CIDEA: variants seen among roughly 807,000 people sequenced by gnomAD.
The protein encoded by CIDEA is lipid transferase CIDEA.
In CIDEA, 10 loss-of-function variants were observed where a neutral mutation model predicts 18.2. That is an observed-to-expected ratio of 0.55 (90% confidence interval 0.34 to 0.93). The LOEUF is 0.93. Among genes scored for constraint, CIDEA ranks in the 40% least tolerant of loss-of-function variants. The pLI is 0.02. For synonymous variants in CIDEA, 128 were observed against 124.8 expected, an observed-to-expected ratio of 1.03 and a Z score of -0.17; for missense variants, 309 against 293.1, an observed-to-expected ratio of 1.05 and a Z score of -0.40.
At chr18:12,275,746 A>G (rs1905308339) in intron 4 of CIDEA, among the ~76,000 whole-genome samples, 1 of 152,074 alleles carries the variant, frequency 6.6e-6, no homozygotes, top group South Asian at 2.1e-4. Context: ...CTGTGGCCTC[A>G]GTTTCCCATT....
chr18:12,260,574 A>T (rs1232593374), intron 1 of CIDEA, among the ~76,000 whole-genome samples: 1 of 152,244 alleles, frequency 6.6e-6, no homozygotes, highest in Non-Finnish European at 1.5e-5. Flanking sequence ...TAGATAATAT[A>T]CTATCTAAAA....
chr18:12,274,634 A>G (rs1405239486), intron 4 of CIDEA, among the ~76,000 whole-genome samples: 2 of 152,188 alleles, frequency 1.3e-5, no homozygotes, highest in African/African-American at 4.8e-5. Flanking sequence ...CAGAACGGTC[A>G]CCTAGACCCT....
intron 1 of CIDEA, among the ~76,000 whole-genome samples, chr18:12,259,223 A>G (rs952776936): frequency 6.6e-6 from 1 of 152,216 alleles, no homozygotes; most frequent in Non-Finnish European, 1.5e-5. Context: ...GGCTTGCCTC[A>G]TTGAAAACAA....
chr18:12,272,151 G>GGGGGGT (rs1912558160), intron 3 of CIDEA, among the ~76,000 whole-genome samples: 1 of 10,608 alleles, frequency 9.4e-5, no homozygotes, highest in African/African-American at 1.9e-4. Flanking sequence ...TGTGTGTGTG[G>GGGGGGT]GGGGGGGGGG....
intron 4 of CIDEA, among the ~76,000 whole-genome samples, chr18:12,275,533 G>A (rs1480743603): frequency 2.6e-5 from 4 of 152,174 alleles, no homozygotes; most frequent in South Asian, 2.1e-4. Flanking sequence ...TCTTCAAGTC[G>A]AAAAGTTTTG....
intron 1 of CIDEA, chr18:12,254,666 G>C: frequency 6.6e-7 from 1 of 1,525,098 alleles, no homozygotes; most frequent in African/African-American, 1.4e-5. Context: ...TTGCAGCTGG[G>C]CACAGGTACC....
Position 12,274,267 on chromosome 18 carries a change from C to T in CIDEA, c.505C>T (p.Leu169=), listed in dbSNP as rs200322058. The T allele has an allele frequency of 9.3e-6, 15 of 1,614,108 alleles. No homozygotes were observed. Among genetic ancestry groups the T allele is most frequent in the Non-Finnish European group, 1.3e-5 (15 of 1,179,994 alleles). Residue 169 remains leucine, a synonymous_variant, in exon 4 of 5, where the codon CTG becomes TTG. Transcript: ENST00000320477. ...YDIRCTGLKG[L]LRSLLRFLSY... is the part of the protein sequence containing the mutation. ...CATCCGGTGCACGGGACTCAAGGGC[C>T]TGCTGAGGTAACACACTCCAGGGGT...
chr18:12,254,733 T>G, intron 1 of CIDEA: 1 of 1,454,424 alleles, frequency 6.9e-7, no homozygotes, highest in Non-Finnish European at 9.2e-7. Flanking sequence ...AGCTGGCGAG[T>G]GGCTGCATGC....
chr18:12,261,680 C>A (rs1912196071), intron 1 of CIDEA, among the ~76,000 whole-genome samples: 1 of 152,064 alleles, frequency 6.6e-6, no homozygotes, highest in African/African-American at 2.4e-5. Context: ...CTCAAGCAAT[C>A]CTCTCATCTC....
intron 1 of CIDEA, 63 bp downstream of exon 1, chr18:12,254,484 A>C (rs144729600): frequency 1.1e-5 from 18 of 1,570,526 alleles, no homozygotes; most frequent in Non-Finnish European, 1.5e-5. Context: ...CGGTGGCCTC[A>C]TATTCCCCTG....
chr18:12,274,379 C>A, intron 4 of CIDEA, 105 bp downstream of exon 4: 1 of 994,912 alleles, frequency 1.0e-6, no homozygotes, highest in Non-Finnish European at 1.5e-6. Flanking sequence ...CCGGCTAGCA[C>A]TGTTAGGGGC....
chr18:12,262,909 C>A lies in CIDEA; in HGVS notation c.123C>A (p.Asn41Lys), dbSNP rs539599365. 5.6e-6 allele frequency: 9 copies of A among 1,614,194 alleles called. No individual in the cohort carries two copies. Among genetic ancestry groups the A allele is most frequent in the African/African-American group, 1.3e-5 (1 of 75,060 alleles). Residue 41 changes from asparagine to lysine, a missense_variant, in exon 2 of 5, where the codon AAC (asparagine) becomes AAA (lysine). Physicochemically the swap from Asn to Lys is moderately conservative, Grantham distance 94 (BLOSUM62 0). Transcript: ENST00000320477. ...MHPARPFRVS[N>K]HDRSSRRGVM... ...CAGCTCGCCCTTTCCGGGTCTCCAA[C>A]CATGACAGGAGCAGCCGGCGTGGGG...
At chr18:12,272,561 T>TA (rs1230113079) in intron 3 of CIDEA, among the ~76,000 whole-genome samples, 1 of 152,102 alleles carries the variant, frequency 6.6e-6, no homozygotes. Context: ...TTGACCAGGC[T>TA]AGTCTCAAAC....
intron 3 of CIDEA, among the ~76,000 whole-genome samples, chr18:12,266,316 G>A (rs1013423888): frequency 3.9e-5 from 6 of 152,050 alleles, no homozygotes; most frequent in African/African-American, 1.4e-4. Context: ...TTAGCCTGGC[G>A]TAGTGGTGCA....
At chr18:12,274,463 A>G (rs1489716958) in intron 4 of CIDEA, among the ~76,000 whole-genome samples, 189 bp downstream of exon 4, 1 of 152,254 alleles carries the variant, frequency 6.6e-6, no homozygotes, top group East Asian at 1.9e-4. Flanking sequence ...ATCTCAAGCC[A>G]AAACAGATTT....
rs955042502 is a variant in CIDEA, at chr18:12,274,167, G to A, written c.405G>A (p.Arg135=). The A allele has an allele frequency of 3.7e-6, 6 of 1,614,102 alleles. No individual in the cohort carries two copies. The African/African-American group carries it at 4.0e-5, about 11-fold the overall frequency. The change falls in exon 4 of 5, where the codon AGG becomes AGA. Residue 135 remains arginine (R), a synonymous_variant. Transcript: ENST00000320477. ...GIARVTFDLY[R]LNPKDFIGCL... ...CGAGAGTCACCTTCGACTTGTACAG[G>A]CTGAACCCCAAGGACTTCATCGGCT...
chr18:12,262,663 T>C (rs1219105441), intron 1 of CIDEA, among the ~76,000 whole-genome samples, 162 bp from the exon 2 acceptor site: 2 of 152,254 alleles, frequency 1.3e-5, no homozygotes, highest in South Asian at 2.1e-4. Flanking sequence ...TGTTTCTTCT[T>C]TGGAATTATG....
rs544469262 is a variant in CIDEA, at chr18:12,275,364, C to CA, written c.512+1096dup. On this transcript the variant is annotated intron_variant, in intron 4 of 4. Transcript: ENST00000320477. ...TCTCAAAAATAAATAAATAAACAAA[C>CA]AAAAAATAAATAAAATGAAAAGGTT... Among the ~76,000 whole-genome samples, 346 of 152,190 alleles carry CA rather than the reference C, an allele frequency of 2.3e-3. 1 individual carries two copies. Among genetic ancestry groups the CA allele is most frequent in the Middle Eastern group, 0.014 (4 of 294 alleles).
At chr18:12,275,996 A>C (rs4074432) in intron 4 of CIDEA, among the ~76,000 whole-genome samples, 7,870 of 141,954 alleles carry the variant, frequency 0.055, 402 homozygotes, top group Middle Eastern at 0.14. Flanking sequence ...TTCTTTTCTT[A>C]TTTTTTTTCT....
Sources: allele counts gnomAD v4.1 joint callset (sites outside exome capture counted in the v4.1 genomes callset), GRCh38; gene constraint gnomAD v4.1.1; transcripts MANE v1.5; gene names NCBI Gene and HGNC (gene_info 2026-07-23, HGNC 2026-07-21).